Variants in MOV10L1 observed in about 807,000 individuals in gnomAD.
MOV10L1 encodes the protein Mov10 like RNA helicase 1, also known as RNA helicase Mov10l1.
MOV10L1 carries 110 observed loss-of-function variants against 143.8 expected under a neutral mutation model. The observed-to-expected ratio is 0.76, with a 90% confidence interval of 0.66 to 0.90. The LOEUF (loss-of-function observed/expected upper bound fraction) is 0.90, where lower values mean the gene tolerates loss of function less well. Among genes scored for constraint, MOV10L1 ranks in the 40% least tolerant of loss-of-function variants. The probability of loss-of-function intolerance (pLI) is 0.00; values close to 1 mark genes in which losing one functional copy is unlikely to be tolerated. For missense variants in MOV10L1, 1,406 were observed against 1,526.8 expected (o/e 0.92, Z 1.32); for synonymous variants, 593 against 581.1 (o/e 1.02, Z -0.29).
rs529118146 is a variant in MOV10L1 at position 50,112,859 on chromosome 22, A to G, written c.744-789A>G. ...AAAATCCCCACCCCGTCCATCAGCA[A>G]CGCTGTGGACTCTCTGCCCCTGTAC... On this transcript the variant is annotated intron_variant, in intron 5 of 26. Transcript: ENST00000262794. 2.6e-5 allele frequency among the ~76,000 whole-genome samples: 4 copies of G among 152,346 alleles called. No individual in the cohort carries two copies. The East Asian group carries it at 7.7e-4, about 29-fold the overall frequency.
At chr22:50,141,683 T>C (rs576512297) in intron 15 of MOV10L1, among the ~76,000 whole-genome samples, 11 of 152,180 alleles carry the variant, frequency 7.2e-5, no homozygotes, top group African/African-American at 2.7e-4. Flanking sequence ...ACTGGCACTT[T>C]GCACACTCTC....
At chr22:50,143,988 C>T in intron 17 of MOV10L1, 109 bp from the exon 18 acceptor site, 1 of 1,390,286 alleles carries the variant, frequency 7.2e-7, no homozygotes, top group Non-Finnish European at 9.9e-7. Flanking sequence ...GCATCTGAGC[C>T]CATGCAGCTG....
At chr22:50,108,036 A>G (rs929648348) in intron 3 of MOV10L1, 100 bp from the exon 4 acceptor site, 3 of 1,062,484 alleles carry the variant, frequency 2.8e-6, no homozygotes, top group Non-Finnish European at 2.8e-6. Context: ...AAATGTTCAA[A>G]TGTATCCTCA....
chr22:50,134,844 A>G (rs2062778647), intron 15 of MOV10L1, among the ~76,000 whole-genome samples: 1 of 152,246 alleles, frequency 6.6e-6, no homozygotes, highest in South Asian at 2.1e-4. Flanking sequence ...ATAACTCAAA[A>G]TTGCAGTTAA....
At chr22:50,115,861 T>G (rs780094086) in intron 8 of MOV10L1, among the ~76,000 whole-genome samples, 1 of 152,218 alleles carries the variant, frequency 6.6e-6, no homozygotes, top group Non-Finnish European at 1.5e-5. Context: ...TCCCGTCACC[T>G]GGGCATTTGG....
rs774907224 is a variant in MOV10L1 at position 50,128,465 on chromosome 22, C to G, written c.1868C>G (p.Ala623Gly). ...AAAATTAATCCAGAATTTGAACAAGCCTATAACTTTGAACCTATGGATGTG... is the reference window on the plus strand; with the variant it reads ...AAAATTAATCCAGAATTTGAACAAGGCTATAACTTTGAACCTATGGATGTG... Reference protein sequence around the residue: ...TLKINPEFEQAYNFEPMDVEF... With the variant: ...TLKINPEFEQGYNFEPMDVEF... The change falls in exon 13 of 27, where the codon GCC becomes GGC. Residue 623 changes from alanine (A) to glycine (G), a missense_variant. Around this residue, in one of 3 missense-constraint regions of MOV10L1, gnomAD observed 1,233 missense variants for 1,351.4 expected, o/e 0.91. Coordinates refer to ENST00000262794, the MANE Select transcript of MOV10L1 (RefSeq NM_018995.3). The G allele has an allele frequency of 6.4e-7, 1 of 1,560,340 alleles. No homozygotes were observed. Among genetic ancestry groups the G allele is most frequent in the East Asian group, 2.2e-5 (1 of 44,490 alleles).
chr22:50,122,287 TGTAA>T (rs1395099528), intron 10 of MOV10L1, among the ~76,000 whole-genome samples: 2 of 152,264 alleles, frequency 1.3e-5, no homozygotes, highest in African/African-American at 4.8e-5. Flanking sequence ...TAAATTAATT[TGTAA>T]GTATTTTATT....
At chr22:50,123,973 G>A (rs1353229781) in intron 10 of MOV10L1, among the ~76,000 whole-genome samples, 1 of 152,132 alleles carries the variant, frequency 6.6e-6, no homozygotes, top group Non-Finnish European at 1.5e-5. Flanking sequence ...CGTAGATTCT[G>A]TAGTAATGTT....
At chr22:50,110,969 GTTC>G (rs1210125939) in intron 5 of MOV10L1, among the ~76,000 whole-genome samples, 5 of 152,050 alleles carry the variant, frequency 3.3e-5, no homozygotes, top group Non-Finnish European at 2.9e-5. Flanking sequence ...CTGTATCTGT[GTTC>G]TTCTTTGTGT....
chr22:50,154,797 T>G (rs9617107), intron 22 of MOV10L1, among the ~76,000 whole-genome samples: 18,486 of 152,290 alleles, frequency 0.12, 1,352 homozygotes, highest in East Asian at 0.24. Context: ...TTTATCTTCC[T>G]CATTATGTAA....
At chr22:50,144,642 C>T (rs561314399) in intron 18 of MOV10L1, among the ~76,000 whole-genome samples, 9 of 149,696 alleles carry the variant, frequency 6.0e-5, no homozygotes, top group Admixed American at 2.0e-4. Flanking sequence ...AGTGCAGTGG[C>T]ATGATCTCGG....
chr22:50,151,058 G>A (rs2063287823), intron 21 of MOV10L1, among the ~76,000 whole-genome samples, 159 bp downstream of exon 21: 1 of 152,238 alleles, frequency 6.6e-6, no homozygotes, highest in Non-Finnish European at 1.5e-5. Context: ...AGCAGAAACT[G>A]CAGCCTGGTG....
chr22:50,100,782 G>A (rs1002114642), intron 3 of MOV10L1, among the ~76,000 whole-genome samples: 1 of 152,230 alleles, frequency 6.6e-6, no homozygotes, highest in Non-Finnish European at 1.5e-5. Flanking sequence ...TGGGATTACA[G>A]GCGTGAGCCA....
At chr22:50,147,102 G>GT in intron 19 of MOV10L1, 1 of 1,573,076 alleles carries the variant, frequency 6.4e-7, no homozygotes, top group Non-Finnish European at 8.6e-7. Context: ...GCTCTTTGGG[G>GT]GCAGAGCGGG....
chr22:50,146,005 A>G (rs1027031906), intron 19 of MOV10L1, among the ~76,000 whole-genome samples, 195 bp downstream of exon 19: 10 of 152,140 alleles, frequency 6.6e-5, no homozygotes, highest in African/African-American at 2.4e-4. Flanking sequence ...CAAGGACTCG[A>G]AGGAGCCAGC....
chr22:50,134,123 A>T (rs904219506), intron 14 of MOV10L1, 58 bp downstream of exon 14: 3 of 1,415,574 alleles, frequency 2.1e-6, no homozygotes, highest in Non-Finnish European at 2.9e-6. Flanking sequence ...TATAGGCTTC[A>T]TGTAAAATTT....
chr22:50,123,543 T>C (rs1288262498), intron 10 of MOV10L1, among the ~76,000 whole-genome samples: 1 of 152,212 alleles, frequency 6.6e-6, no homozygotes, highest in Non-Finnish European at 1.5e-5. Context: ...CCTTTTCATA[T>C]GCTGCTGAAT....
At chr22:50,101,121 G>C (rs1464034326) in intron 3 of MOV10L1, among the ~76,000 whole-genome samples, 1 of 152,130 alleles carries the variant, frequency 6.6e-6, no homozygotes. Context: ...GAAGTTTTCT[G>C]CTTTAAGCTG....
At position 50,143,209 on chromosome 22, in the gene MOV10L1, G is replaced by T; in HGVS notation, c.2346G>T (p.Glu782Asp). 6.2e-7 allele frequency: 1 copy of T among 1,614,122 alleles called. No homozygotes were observed. The highest frequency in any genetic ancestry group is 8.5e-7 in the Non-Finnish European group (1 of 1,180,040). The change falls in exon 17 of 27, where the codon GAG becomes GAT. Residue 782 changes from glutamate (E) to aspartate (D), a missense_variant. By Grantham distance (45) the Glu-to-Asp change is conservative. Around this residue, in one of 3 missense-constraint regions of MOV10L1, gnomAD observed 1,233 missense variants for 1,351.4 expected, o/e 0.91. Coordinates refer to ENST00000262794, the MANE Select transcript of MOV10L1 (RefSeq NM_018995.3). Reference protein sequence around the residue: ...PGTGKTVTIIEAVLQVHFALP... With the variant: ...PGTGKTVTIIDAVLQVHFALP... ...CTGGAAAGACAGTGACAATAATAGA[G>T]GCTGTTTTACAGGTAAGGACAGCGG...
Sources: allele counts gnomAD v4.1 joint callset (sites outside exome capture counted in the v4.1 genomes callset), GRCh38; gene constraint gnomAD v4.1.1; regional missense constraint gnomAD v4.1.1; transcripts MANE v1.5; gene names NCBI Gene and HGNC (gene_info 2026-07-23, HGNC 2026-07-21).